S1PR2: variants seen among roughly 807,000 people sequenced by gnomAD.
S1PR2 encodes sphingosine 1-phosphate receptor 2.
In S1PR2, 9 loss-of-function variants were observed where a neutral mutation model predicts 16.1. The ratio of observed to expected loss-of-function variants is 0.56; its 90% CI spans 0.34 to 0.98. The LOEUF (loss-of-function observed/expected upper bound fraction) is 0.98, where lower values mean the gene tolerates loss of function less well. Ranked by LOEUF, S1PR2 falls within the 50% of genes least tolerant of loss-of-function variation. The probability of loss-of-function intolerance (pLI) is 0.02; values close to 1 mark genes in which losing one functional copy is unlikely to be tolerated. For missense variants in S1PR2, 361 were observed against 488.4 expected (o/e 0.74, Z 2.46); for synonymous variants, 224 against 233.9 (o/e 0.96, Z 0.38).
chr19:10,229,893 C>T (rs2039659288), intron 1 of S1PR2, among the ~76,000 whole-genome samples: 1 of 152,122 alleles, frequency 6.6e-6, no homozygotes, highest in Admixed American at 6.6e-5. Context: ...CAGTCAATGC[C>T]TAAGGCCAGG....
chr19:10,230,414 C>G (rs567584132), intron 1 of S1PR2: 2 of 154,806 alleles, frequency 1.3e-5, no homozygotes, highest in East Asian at 1.9e-4. Context: ...AGCAGCTGCA[C>G]CGCGAGTTCC....
At chr19:10,225,619 C>T (rs2145442195) in intron 1 of S1PR2, among the ~76,000 whole-genome samples, 1 of 151,686 alleles carries the variant, frequency 6.6e-6, no homozygotes, top group East Asian at 1.9e-4. Context: ...AGCATGGTCT[C>T]GAACTTCTGA....
chr19:10,224,445 GC>G lies in S1PR2; in HGVS notation c.460del (p.Ala154ProfsTer42). 6.2e-7 allele frequency: 1 copy of G among 1,613,646 alleles called. No homozygotes were observed. Among genetic ancestry groups the G allele is most frequent in the Non-Finnish European group, 8.5e-7 (1 of 1,179,890 alleles). On this transcript the variant is annotated frameshift_variant, in exon 2 of 2. Transcript: ENST00000646641. LOFTEE classifies it high-confidence loss of function. Reference protein sequence around the residue: ...KSCRMLLLIGASWLISLVLGG... With the variant: ...KSCRMLLLIGXSWLISLVLGG... ...GAGGACCAGCGAGATGAGCCACGAGGCCCCGATGAGCAGAAGCATGCGGCAG... is the reference window on the plus strand; with the variant it reads ...GAGGACCAGCGAGATGAGCCACGAGGCCCGATGAGCAGAAGCATGCGGCAG...
intron 1 of S1PR2, among the ~76,000 whole-genome samples, chr19:10,230,862 GT>G (rs2039671773): frequency 6.6e-6 from 1 of 152,278 alleles, no homozygotes. Context: ...CAGGAGGGGT[GT>G]TGCCCCCCCC....
Position 10,224,102 on chromosome 19 carries a change from G to A in S1PR2, c.804C>T (p.Tyr268=). The change falls in exon 2 of 2, where the codon TAC becomes TAT. Residue 268 remains tyrosine (Y), a synonymous_variant. Transcript: ENST00000646641. ...ACPVHSCPIL[Y]KAHYFFAVST... ...AGACGGCGAAAAAGTAGTGGGCTTT[G>A]TAGAGGATCGGGCAGGAGTGGACGG... is the stretch of plus-strand genomic sequence containing the variant. The A allele has an allele frequency of 6.2e-7, 1 of 1,605,362 alleles. No individual in the cohort carries two copies. The highest frequency in any genetic ancestry group is 8.5e-7 in the Non-Finnish European group (1 of 1,179,978).
chr19:10,224,111 C>A lies in S1PR2; in HGVS notation c.795G>T (p.Pro265=), dbSNP rs554422074. ...AAAAGTAGTGGGCTTTGTAGAGGATCGGGCAGGAGTGGACGGGACAGGCAT... is the reference window on the plus strand; with the variant it reads ...AAAAGTAGTGGGCTTTGTAGAGGATAGGGCAGGAGTGGACGGGACAGGCAT... ...LDYACPVHSC[P]ILYKAHYFFA... Residue 265 remains proline, a synonymous_variant, in exon 2 of 2, where the codon CCG becomes CCT. Coordinates refer to ENST00000646641, the MANE Select transcript of S1PR2 (RefSeq NM_004230.4). 6.2e-7 allele frequency: 1 copy of A among 1,604,890 alleles called. No homozygotes were observed. The highest frequency in any genetic ancestry group is 1.1e-5 in the South Asian group (1 of 91,088).
chr19:10,228,298 G>A (rs2039648906), intron 1 of S1PR2, among the ~76,000 whole-genome samples: 1 of 151,708 alleles, frequency 6.6e-6, no homozygotes, highest in Non-Finnish European at 1.5e-5. Flanking sequence ...GGGTGACAGA[G>A]CGAGACTGTC....
rs201361490 is a variant in S1PR2 at position 10,224,678 on chromosome 19, G to A, written c.228C>T (p.Ala76=). 2.8e-5 allele frequency: 45 copies of A among 1,614,152 alleles called. No homozygotes were observed. Among genetic ancestry groups the A allele is most frequent in the Admixed American group, 1.7e-4 (10 of 60,028 alleles). The change falls in exon 2 of 2, where the codon GCC becomes GCT. Residue 76 remains alanine, a synonymous_variant. Transcript: ENST00000646641. ...CCACGCCTGCCAGTAGATCGGAGGC[G>A]GCCAGGTTGCCCAGAAACAGGTACA... The part of the protein sequence containing the change: ...SAMYLFLGNL[A]ASDLLAGVAF...
chr19:10,225,390 ATTTT>A (rs35464657), intron 1 of S1PR2, among the ~76,000 whole-genome samples: 7 of 80,590 alleles, frequency 8.7e-5, no homozygotes, highest in African/African-American at 1.1e-4. Context: ...CGCCTGGCTA[ATTTT>A]TTTTTTTTTT....
rs763257359 is a variant in S1PR2, at chr19:10,224,510, C to T, written c.396G>A (p.Val132=). ...SLLAIAIERH[V]AIAKVKLYGS... ...CATACAGCTTGACCTTGGCAATGGC[C>T]ACGTGGCGCTCAATGGCGATGGCCA... Residue 132 remains valine, a synonymous_variant, in exon 2 of 2, where the codon GTG becomes GTA. Transcript: ENST00000646641. The T allele has an allele frequency of 2.5e-6, 4 of 1,613,754 alleles. No homozygotes were observed. The highest frequency in any genetic ancestry group is 1.6e-4 in the Middle Eastern group (1 of 6,084).
chr19:10,223,667 C>A lies in S1PR2; in HGVS notation c.*177G>T. 1 of 617,646 alleles carries A rather than the reference C, an allele frequency of 1.6e-6. No individual in the cohort carries two copies. The allele number at this position is 617,646 out of a possible 1,614,324, so 38.3% of individuals were successfully genotyped here. On this transcript the variant is annotated 3_prime_UTR_variant, in exon 2 of 2. Coordinates refer to ENST00000646641, the MANE Select transcript of S1PR2 (RefSeq NM_004230.4). ...CCCTCAGGACCGCACTGCAACACTG[C>A]TATGTGACTAGTCAGTGCCTTATCT...
rs376403797 is a variant in S1PR2, at chr19:10,224,028, C to T, written c.878G>A (p.Arg293Gln). 5.6e-6 allele frequency: 9 copies of T among 1,612,434 alleles called. No homozygotes were observed. Among genetic ancestry groups the T allele is most frequent in the East Asian group, 4.5e-5 (2 of 44,894 alleles). Reference sequence around the variant, plus strand: ...CCGAAGCACCTCCCGCCGCAGGTCCCGGCTGCGCCACGTGTAGATGACGGG... The same window carrying T: ...CCGAAGCACCTCCCGCCGCAGGTCCTGGCTGCGCCACGTGTAGATGACGGG... ...LNPVIYTWRS[R>Q]DLRREVLRPL... The change falls in exon 2 of 2, where the codon CGG becomes CAG. Residue 293 changes from arginine to glutamine, a missense_variant. Coordinates refer to ENST00000646641, the MANE Select transcript of S1PR2 (RefSeq NM_004230.4).
chr19:10,224,215 G>A lies in S1PR2; in HGVS notation c.691C>T (p.Leu231=). Residue 231 remains leucine (L), a synonymous_variant, in exon 2 of 2, where the codon CTG becomes TTG. Transcript: ENST00000646641. ...ADMAAPQTLA[L]LKTVTIVLGV... ...AGCACGATGGTGACCGTCTTGAGCA[G>A]GGCTAGCGTCTGCGGGGCGGCCATG... 6.2e-7 allele frequency: 1 copy of A among 1,613,074 alleles called. No individual in the cohort carries two copies.
intron 1 of S1PR2, among the ~76,000 whole-genome samples, chr19:10,229,735 G>C (rs2145445787): frequency 6.6e-6 from 1 of 152,198 alleles, no homozygotes; most frequent in Non-Finnish European, 1.5e-5. Flanking sequence ...CACTTCCTCA[G>C]AGGGGACTCC....
chr19:10,230,385 T>C (rs2145446746), intron 1 of S1PR2: 1 of 154,156 alleles, frequency 6.5e-6, no homozygotes, highest in Admixed American at 6.5e-5. Flanking sequence ...AGACTGGGGG[T>C]GGGGGACCAG....
chr19:10,222,666 C>T lies in S1PR2; in HGVS notation c.*1178G>A, dbSNP rs757839210. 5.3e-5 allele frequency: 8 copies of T among 152,258 alleles called. No individual in the cohort carries two copies. The highest frequency in any genetic ancestry group is 2.6e-4 in the Admixed American group (4 of 15,232). 9.4% of individuals were successfully genotyped at this position (152,258 alleles called of 1,614,324 possible). ...CCGTGGTTTCCGGGCCTCAGAGAGA[C>T]GGGGAGAAGTCGTCAAGTGGCAGCT... is the stretch of plus-strand genomic sequence containing the variant. On this transcript the variant is annotated 3_prime_UTR_variant, in exon 2 of 2. Coordinates refer to ENST00000646641, the MANE Select transcript of S1PR2 (RefSeq NM_004230.4).
At position 10,224,304 on chromosome 19, in the gene S1PR2, A is replaced by G. The variant is rs757567998; in HGVS notation, c.602T>C (p.Ile201Thr). 3 of 1,614,010 alleles carry G rather than the reference A, an allele frequency of 1.9e-6. No individual in the cohort carries two copies. The highest frequency in any genetic ancestry group is 8.5e-7 in the Non-Finnish European group (1 of 1,180,054). ...GTACAGGGCCACGATGGCCAACAGG[A>G]TGATGGAGAAGATGGTCACCACGCA... ...VLCVVTIFSIILLAIVALYVR... is the reference protein window; with the variant it reads ...VLCVVTIFSITLLAIVALYVR... The change falls in exon 2 of 2, where the codon ATC (isoleucine) becomes ACC (threonine). Residue 201 changes from isoleucine (I) to threonine (T), a missense_variant. By Grantham distance (89) the Ile-to-Thr change is moderately conservative. Coordinates refer to ENST00000646641, the MANE Select transcript of S1PR2 (RefSeq NM_004230.4).
intron 1 of S1PR2, among the ~76,000 whole-genome samples, chr19:10,227,995 C>T (rs528702811): frequency 6.6e-6 from 1 of 152,150 alleles, no homozygotes; most frequent in South Asian, 2.1e-4. Flanking sequence ...CTGTGGCTTC[C>T]TGGATAAATA....
rs565428079 is a variant in S1PR2, at chr19:10,227,265, A to G, written c.-42-2318T>C. Among the ~76,000 whole-genome samples, 13 of 152,232 alleles carry G rather than the reference A, an allele frequency of 8.5e-5. No individual in the cohort carries two copies. The East Asian group carries it at 2.3e-3, about 27-fold the overall frequency. On this transcript the variant is annotated intron_variant, in intron 1 of 1. Coordinates refer to ENST00000646641, the MANE Select transcript of S1PR2 (RefSeq NM_004230.4). Reference sequence around the variant, plus strand: ...CAAGGACTGTGTGCACCGTTCCAGAAAAGTCTGGTTAGGCCAGTTCTCCTG... The same window carrying G: ...CAAGGACTGTGTGCACCGTTCCAGAGAAGTCTGGTTAGGCCAGTTCTCCTG...
Sources: gnomAD v4.1 joint callset for allele counts (sites outside exome capture counted in the v4.1 genomes callset) on GRCh38, gnomAD v4.1.1 for gene constraint, MANE v1.5 for transcripts, NCBI Gene and HGNC (gene_info 2026-07-23, HGNC 2026-07-21) for gene names.